PRRC2B: variants seen among roughly 807,000 people sequenced by gnomAD.
PRRC2B encodes the protein proline rich coiled-coil 2B.
PRRC2B carries 68 observed loss-of-function variants against 242.3 expected under a neutral mutation model. The ratio of observed to expected loss-of-function variants is 0.28; its 90% CI spans 0.23 to 0.34. PRRC2B has a LOEUF of 0.34. PRRC2B is among the 10% of genes least tolerant of loss of function. The probability of loss-of-function intolerance (pLI) is 1.00; values close to 1 mark genes in which losing one functional copy is unlikely to be tolerated. For synonymous variants in PRRC2B, 1,228 were observed against 1,173.6 expected, an observed-to-expected ratio of 1.05 and a Z score of -0.95; for missense variants, 2,835 against 2,954.8, an observed-to-expected ratio of 0.96 and a Z score of 0.94.
chr9:131,446,730 G>T lies in PRRC2B; in HGVS notation c.855+88G>T. 1 of 1,469,648 alleles carries T rather than the reference G, an allele frequency of 6.8e-7. No homozygotes were observed. The highest frequency in any genetic ancestry group is 9.3e-7 in the Non-Finnish European group (1 of 1,072,706). The allele number at this position is 1,469,648 out of a possible 1,614,324, so 91.0% of individuals were successfully genotyped here. A position where few individuals can be genotyped will look rare whatever the true frequency, so the allele number is the denominator to read the frequency against. Reference sequence around the variant, plus strand: ...CAAGTGGTTGAATGTCCCCCTTGGGGTCTCCTCTTGGCCCTGTTACCCTAC... The same window carrying T: ...CAAGTGGTTGAATGTCCCCCTTGGGTTCTCCTCTTGGCCCTGTTACCCTAC... On this transcript the variant is annotated intron_variant, in intron 7 of 31. Transcript: ENST00000683519. The surrounding 1 kb of genome is among the most constrained non-coding windows in gnomAD (Gnocchi z 4.1).
chr9:131,444,403 G>C (rs1205751178), intron 6 of PRRC2B, 75 bp downstream of exon 6: 4 of 1,505,438 alleles, frequency 2.7e-6, no homozygotes, highest in Non-Finnish European at 2.7e-6. Flanking sequence ...ACTCCTAAAA[G>C]GGTGCTGATG....
At chr9:131,478,716 C>A in intron 18 of PRRC2B, 97 bp downstream of exon 18, 1 of 816,278 alleles carries the variant, frequency 1.2e-6, no homozygotes, top group Non-Finnish European at 1.9e-6. Flanking sequence ...CTCGGTCAAG[C>A]TCAAGGTGGC....
Position 131,494,585 on chromosome 9 carries a change from G to A in PRRC2B, c.6555+99G>A. On this transcript the variant is annotated intron_variant, in intron 31 of 31. Transcript: ENST00000683519. This position sits in a 1 kb window ranked among gnomAD's most constrained non-coding sequence, Gnocchi z 4.3. The stretch of plus-strand genomic sequence containing the variant: ...TGTCCAACCTATCTGAGCGCCCCCT[G>A]TCTAAAGACAGCCATGCCCTAGCGG... The A allele has an allele frequency of 1.5e-6, 1 of 663,998 alleles. No individual in the cohort carries two copies. The highest frequency in any genetic ancestry group is 1.9e-5 in the South Asian group (1 of 52,540). The allele number at this position is 663,998 out of a possible 1,614,324, so 41.1% of individuals were successfully genotyped here.
chr9:131,390,826 G>A (rs367910710), upstream of PRRC2B, among the ~76,000 whole-genome samples: 25 of 116,594 alleles, frequency 2.1e-4, no homozygotes, highest in African/African-American at 8.3e-4. Context: ...TCGCTCTGTC[G>A]CCCAGGCTAT....
At chr9:131,406,681 G>A (rs1348389034) in intron 1 of PRRC2B, among the ~76,000 whole-genome samples, 1 of 152,076 alleles carries the variant, frequency 6.6e-6, no homozygotes, top group Non-Finnish European at 1.5e-5. Flanking sequence ...TTTCTGGGAT[G>A]CAGTGTTAGT....
chr9:131,478,643 C>CGGGGGGGGGGGGGGA, intron 18 of PRRC2B, 24 bp downstream of exon 18: 1 of 980,728 alleles, frequency 1.0e-6, no homozygotes, highest in South Asian at 2.0e-5. Flanking sequence ...GGTGGGGGGG[C>CGGGGGGGGGGGGGGA]ATGGGGCTGG....
intron 1 of PRRC2B, among the ~76,000 whole-genome samples, chr9:131,426,337 C>CAA (rs5900939): frequency 8.3e-5 from 7 of 84,442 alleles, no homozygotes; most frequent in African/African-American, 2.1e-4. Context: ...AACTCTGTCT[C>CAA]AAAAAAAAAA....
intron 28 of PRRC2B, among the ~76,000 whole-genome samples, chr9:131,489,922 C>A (rs971365616): frequency 2.6e-5 from 4 of 152,128 alleles, no homozygotes; most frequent in African/African-American, 9.7e-5. Flanking sequence ...TGCCTCAGGC[C>A]TCCTCCTCAG....
At chr9:131,451,076 T>C (rs952576431) in intron 9 of PRRC2B, among the ~76,000 whole-genome samples, 1 of 152,204 alleles carries the variant, frequency 6.6e-6, no homozygotes, top group Non-Finnish European at 1.5e-5. Context: ...AACAATTTCA[T>C]TTTTTAAGGG....
intron 1 of PRRC2B, among the ~76,000 whole-genome samples, chr9:131,400,318 TTTC>T (rs1309493832): frequency 1.3e-5 from 2 of 151,776 alleles, no homozygotes; most frequent in Non-Finnish European, 2.9e-5. Context: ...TTTCTTTTCT[TTTC>T]TTTCTTTTTT....
chr9:131,414,689 C>A (rs1837598525), intron 1 of PRRC2B, among the ~76,000 whole-genome samples: 1 of 151,718 alleles, frequency 6.6e-6, no homozygotes, highest in Non-Finnish European at 1.5e-5. Context: ...TCTGCCTCAG[C>A]CTCCCAAGTA....
At chr9:131,484,545 G>A (rs1409385558) in intron 23 of PRRC2B, 141 bp from the exon 24 acceptor site, 4 of 608,938 alleles carry the variant, frequency 6.6e-6, no homozygotes, top group Non-Finnish European at 1.1e-5. Context: ...GTGCTTTTGG[G>A]AAAAGCCATG....
In PRRC2B at chr9:131,484,755, C is replaced by G; in HGVS notation, c.5530C>G (p.Pro1844Ala). 1 of 1,612,818 alleles carries G rather than the reference C, an allele frequency of 6.2e-7. No homozygotes were observed. ...HHIQRAIGLS[P>A]MSFPTADLTL... ...CATCCAGAGGGCCATCGGTCTCTCC[C>G]CAATGTCCTTCCCCACCGCCGACCT... Residue 1844 changes from proline to alanine, a missense_variant, in exon 24 of 32, where the codon CCA becomes GCA. Pro to Ala is a conservative substitution (Grantham distance 27). Transcript: ENST00000683519.
intron 22 of PRRC2B, 70 bp from the exon 23 acceptor site, chr9:131,483,289 A>T: frequency 2.1e-6 from 3 of 1,405,208 alleles, no homozygotes; most frequent in Non-Finnish European, 3.0e-6. Context: ...CATCACGTTA[A>T]TGTATGCCTC....
At chr9:131,418,579 C>T (rs1027029249) in intron 1 of PRRC2B, among the ~76,000 whole-genome samples, 2 of 152,180 alleles carry the variant, frequency 1.3e-5, no homozygotes, top group African/African-American at 4.8e-5. Flanking sequence ...GATTTGTCTT[C>T]TTCTTTTGTG....
chr9:131,461,521 A>G (rs1943241504), intron 11 of PRRC2B, among the ~76,000 whole-genome samples: 1 of 151,992 alleles, frequency 6.6e-6, no homozygotes, highest in Non-Finnish European at 1.5e-5. Context: ...AAAGCCTGCT[A>G]TTTTCAGTGC....
chr9:131,485,872 C>A, intron 25 of PRRC2B: 1 of 725,868 alleles, frequency 1.4e-6, no homozygotes, highest in Non-Finnish European at 2.5e-6. Context: ...TCTGACGCTG[C>A]ACCCTCCCTA....
At chr9:131,481,135 C>A (rs4740250) in intron 19 of PRRC2B, among the ~76,000 whole-genome samples, 148,153 of 151,774 alleles carry the variant, frequency 0.98, 72,419 homozygotes, top group East Asian at 1. Flanking sequence ...CCCCGTCGCT[C>A]CTAAAAATAC....
intron 1 of PRRC2B, among the ~76,000 whole-genome samples, chr9:131,379,529 T>C (rs1320462589): frequency 6.6e-6 from 1 of 152,126 alleles, no homozygotes; most frequent in African/African-American, 2.4e-5. Flanking sequence ...TGATTTGCAT[T>C]TCCCTGCTGG....
Sources: gnomAD v4.1 joint callset for allele counts (sites outside exome capture counted in the v4.1 genomes callset) on GRCh38, gnomAD v4.1.1 for gene constraint, Gnocchi (gnomAD v3.1) non-coding constraint, MANE v1.5 for transcripts, NCBI Gene and HGNC (gene_info 2026-07-23, HGNC 2026-07-21) for gene names.